Variants in DEPDC5 observed in about 807,000 individuals in gnomAD.
The protein encoded by DEPDC5 is GATOR1 complex protein DEPDC5.
A neutral mutation model predicts 217.3 loss-of-function variants in DEPDC5; 73 were observed. That is an observed-to-expected ratio of 0.34 (90% CI 0.28 to 0.41). The LOEUF is 0.41. Among genes scored for constraint, DEPDC5 ranks in the 10% least tolerant of loss-of-function variants. The pLI, the probability that DEPDC5 is intolerant of heterozygous loss-of-function variation, is 1.00. For synonymous variants in DEPDC5, 733 were observed against 756.7 expected (o/e 0.97, Z 0.51); for missense variants, 1,675 against 2,070.1 (o/e 0.81, Z 3.70).
intron 41 of DEPDC5, among the ~76,000 whole-genome samples, chr22:31,902,911 T>A (rs1209382970): frequency 1.3e-5 from 2 of 152,058 alleles, no homozygotes; most frequent in Non-Finnish European, 2.9e-5. Context: ...CTTGCCCTGC[T>A]GGCAGGATGT....
chr22:31,781,231 AAAC>A (rs1259939259), intron 8 of DEPDC5, among the ~76,000 whole-genome samples: 5 of 148,016 alleles, frequency 3.4e-5, no homozygotes, highest in Non-Finnish European at 3.0e-5. Flanking sequence ...ACAAACAAAC[AAAC>A]AAAAAAAAAA....
chr22:31,828,343 T>G (rs981498272), intron 24 of DEPDC5, among the ~76,000 whole-genome samples: 1 of 149,328 alleles, frequency 6.7e-6, no homozygotes, highest in Non-Finnish European at 1.5e-5. Context: ...CCCAGCTACT[T>G]GGGAGGCTGA....
At chr22:31,822,964 C>T in intron 24 of DEPDC5, 174 bp downstream of exon 24, 1 of 604,700 alleles carries the variant, frequency 1.7e-6, no homozygotes, top group Non-Finnish European at 2.9e-6. Context: ...AAATGGGCTG[C>T]ACGTTAACAT....
chr22:31,824,986 A>G (rs1168109488), intron 24 of DEPDC5, among the ~76,000 whole-genome samples: 2 of 151,764 alleles, frequency 1.3e-5, no homozygotes, highest in Admixed American at 6.6e-5. Context: ...AAAAAAAAAA[A>G]AAAAAAGGAA....
At chr22:31,872,209 C>G (rs2092864327) in intron 34 of DEPDC5, among the ~76,000 whole-genome samples, 1 of 152,194 alleles carries the variant, frequency 6.6e-6, no homozygotes, top group African/African-American at 2.4e-5. Flanking sequence ...CACCTTTGAG[C>G]AAGAATGTGG....
In DEPDC5 at chr22:31,815,143, C is replaced by G; in HGVS notation, c.1597C>G (p.Leu533Val). The G allele has an allele frequency of 6.2e-7, 1 of 1,614,182 alleles. No homozygotes were observed. The highest frequency in any genetic ancestry group is 8.5e-7 in the Non-Finnish European group (1 of 1,180,032). ...CTCCCTAGGCAAGAGTGCCAACATC[C>G]TGATGATCCCACACCCCCACCTGCA... Reference protein sequence around the residue: ...DSSLGKSANILMIPHPHLHQY... With the variant: ...DSSLGKSANIVMIPHPHLHQY... The change falls in exon 21 of 43, where the codon CTG becomes GTG. Residue 533 changes from leucine to valine, a missense_variant. This residue lies in a region of DEPDC5 where 628 missense variants were observed against 762.1 expected (regional missense o/e 0.82). Coordinates refer to ENST00000651528, the MANE Select transcript of DEPDC5 (RefSeq NM_001242896.3).
rs1335760559 is a variant in DEPDC5, at chr22:31,864,526, T to TATATATATATATATATATA, written c.3330+3093_3330+3094insATATATATATATATATATA. On this transcript the variant is annotated intron_variant, in intron 33 of 42. Transcript: ENST00000651528. ...AATATATATATATATATATATATAT[T>TATATATATATATATATATA]TATATATTTATTTATTTACTGTGTG... Among the ~76,000 whole-genome samples, 248 of 117,662 alleles carry TATATATATATATATATATA rather than the reference T, an allele frequency of 2.1e-3. 1 individual carries two copies. Among genetic ancestry groups the TATATATATATATATATATA allele is most frequent in the South Asian group, 4.3e-3 (16 of 3,726 alleles). The allele number at this position is 117,662 out of a possible 152,430, so 77.2% of individuals were successfully genotyped here.
chr22:31,863,092 C>T (rs2092571621), intron 33 of DEPDC5, among the ~76,000 whole-genome samples: 1 of 152,082 alleles, frequency 6.6e-6, no homozygotes, highest in Non-Finnish European at 1.5e-5. Context: ...AGTGATTCTC[C>T]TGCCTTGGCC....
At chr22:31,873,542 C>T (rs974854871) in intron 35 of DEPDC5, among the ~76,000 whole-genome samples, 4 of 151,376 alleles carry the variant, frequency 2.6e-5, no homozygotes, top group African/African-American at 9.7e-5. Context: ...GGCAGAGTCT[C>T]ACTCTGTCAC....
In DEPDC5 at chr22:31,794,849, G is replaced by A. The variant is rs114397281; in HGVS notation, c.767+2032G>A. Among the ~76,000 whole-genome samples the A allele has an allele frequency of 3.7e-3, 567 of 152,084 alleles. 2 individuals are homozygous for A. The highest frequency in any genetic ancestry group is 0.013 in the African/African-American group (550 of 41,500). On this transcript the variant is annotated intron_variant, in intron 12 of 42. Coordinates refer to ENST00000651528, the MANE Select transcript of DEPDC5 (RefSeq NM_001242896.3). Reference sequence around the variant, plus strand: ...TGCAGTGAGCCAAGATCATGCCACTGCACTTTAGCCTGGGTGACATAGTGA... The same window carrying A: ...TGCAGTGAGCCAAGATCATGCCACTACACTTTAGCCTGGGTGACATAGTGA...
chr22:31,792,890 G>A, intron 12 of DEPDC5, 73 bp downstream of exon 12: 2 of 1,322,538 alleles, frequency 1.5e-6, no homozygotes, highest in South Asian at 1.7e-5. Context: ...AAATAAGTCA[G>A]CCTGGGCAAC....
chr22:31,768,210 C>G (rs2082998531), intron 6 of DEPDC5, among the ~76,000 whole-genome samples: 1 of 151,636 alleles, frequency 6.6e-6, no homozygotes, highest in Admixed American at 6.6e-5. Flanking sequence ...CAGTACACCA[C>G]ACCCACATTT....
chr22:31,879,700 C>T lies in DEPDC5; in HGVS notation c.3981C>T (p.His1327=), dbSNP rs2149295639. The T allele has an allele frequency of 6.2e-7, 1 of 1,614,174 alleles. No individual in the cohort carries two copies. Among genetic ancestry groups the T allele is most frequent in the Non-Finnish European group, 8.5e-7 (1 of 1,180,034 alleles). ...GGCCAGCCTCCTATGCAAGTAGGCACAGCTCCTTTAGCCGAAGTTTTGGAG... is the reference window on the plus strand; with the variant it reads ...GGCCAGCCTCCTATGCAAGTAGGCATAGCTCCTTTAGCCGAAGTTTTGGAG... ...PSRPASYASR[H]SSFSRSFGGR... is the part of the protein sequence containing the mutation. The change falls in exon 38 of 43, where the codon CAC becomes CAT. Residue 1327 remains histidine, a synonymous_variant. Coordinates refer to ENST00000651528, the MANE Select transcript of DEPDC5 (RefSeq NM_001242896.3).
At chr22:31,885,498 G>A (rs1336255036) in intron 38 of DEPDC5, among the ~76,000 whole-genome samples, 1 of 152,122 alleles carries the variant, frequency 6.6e-6, no homozygotes, top group East Asian at 1.9e-4. Flanking sequence ...GGCCGAGGCG[G>A]GTGGATCACA....
chr22:31,889,894 C>G (rs1479797646), intron 38 of DEPDC5, among the ~76,000 whole-genome samples: 1 of 152,090 alleles, frequency 6.6e-6, no homozygotes, highest in Non-Finnish European at 1.5e-5. Context: ...GAAGCAGAGA[C>G]AGAATGTAGT....
chr22:31,878,753 T>C (rs1017985226), intron 37 of DEPDC5, among the ~76,000 whole-genome samples: 2 of 151,678 alleles, frequency 1.3e-5, no homozygotes, highest in African/African-American at 2.4e-5. Flanking sequence ...AAAATATTTT[T>C]TAGGGCCGGG....
chr22:31,804,395 A>G (rs929140305), intron 16 of DEPDC5, among the ~76,000 whole-genome samples, 172 bp downstream of exon 16: 5 of 152,074 alleles, frequency 3.3e-5, no homozygotes, highest in Admixed American at 2.6e-4. Flanking sequence ...ATGCCTATGA[A>G]TAACCACTGC....
At chr22:31,867,324 T>C (rs1200755647) in intron 33 of DEPDC5, among the ~76,000 whole-genome samples, 1 of 152,158 alleles carries the variant, frequency 6.6e-6, no homozygotes, top group Non-Finnish European at 1.5e-5. Flanking sequence ...TATAAGGCCT[T>C]GTAAAGTAGA....
intron 24 of DEPDC5, among the ~76,000 whole-genome samples, chr22:31,832,373 C>T (rs1353505364): frequency 6.6e-6 from 1 of 152,176 alleles, no homozygotes. Flanking sequence ...TTGTTATCAA[C>T]AATGTGTAAG....
Sources: allele counts gnomAD v4.1 joint callset (sites outside exome capture counted in the v4.1 genomes callset), GRCh38; gene constraint gnomAD v4.1.1; regional missense constraint gnomAD v4.1.1; transcripts MANE v1.5; gene names NCBI Gene and HGNC (gene_info 2026-07-23, HGNC 2026-07-21).